The following PCDHA13 variants were observed in gnomAD, a reference collection of about 807,000 sequenced individuals.
PCDHA13 encodes the protein protocadherin alpha 13, also known as protocadherin alpha-13.
A neutral mutation model predicts 64.8 loss-of-function variants in PCDHA13; 54 were observed. That is an observed-to-expected ratio of 0.83 (90% CI 0.67 to 1.04). The LOEUF (loss-of-function observed/expected upper bound fraction) is 1.04, where lower values mean the gene tolerates loss of function less well. PCDHA13 is among the 50% of genes least tolerant of loss of function. The pLI, the probability that PCDHA13 is intolerant of heterozygous loss-of-function variation, is 0.00. For synonymous variants in PCDHA13, 587 were observed against 564.4 expected (o/e 1.04, Z -0.57); for missense variants, 1,248 against 1,254.3 (o/e 0.99, Z 0.08).
In PCDHA13 at chr5:140,937,565, T is replaced by C. The variant is rs528061401; in HGVS notation, c.2395-41384T>C. ...CTGCGAGGCAGAGGTTGCAGTGAGC[T>C]GGGATCGCGTCACTGCACTCTAGCC... On this transcript the variant is annotated intron_variant, in intron 1 of 3. Transcript: ENST00000289272. Among the ~76,000 whole-genome samples the C allele has an allele frequency of 1.9e-3, 290 of 151,276 alleles. 1 individual carries two copies. The highest frequency in any genetic ancestry group is 6.8e-3 in the African/African-American group (279 of 40,958).
intron 3 of PCDHA13, among the ~76,000 whole-genome samples, chr5:141,005,308 T>TA (rs2098205734): frequency 6.6e-6 from 1 of 152,214 alleles, no homozygotes; most frequent in Non-Finnish European, 1.5e-5. Context: ...TTGTGAATCT[T>TA]ACAGTGGTAG....
chr5:140,928,161 C>G (rs155820), intron 1 of PCDHA13: 543,775 of 1,613,884 alleles, frequency 0.34, 93,301 homozygotes, highest in East Asian at 0.51. Flanking sequence ...GTGGCTCACC[C>G]CCACTTAGCA....
chr5:140,939,634 G>T (rs1032922800), intron 1 of PCDHA13, among the ~76,000 whole-genome samples: 12 of 152,184 alleles, frequency 7.9e-5, no homozygotes, highest in South Asian at 4.1e-4. Flanking sequence ...AATCAATAAG[G>T]GTACTGAAAA....
intron 3 of PCDHA13, among the ~76,000 whole-genome samples, chr5:140,987,213 CA>C (rs58319157): frequency 0.029 from 3,412 of 118,662 alleles, 64 homozygotes; most frequent in African/African-American, 0.058. Flanking sequence ...GACTCCATCT[CA>C]AAAAAAAAAA....
intron 1 of PCDHA13, among the ~76,000 whole-genome samples, chr5:140,910,353 A>G (rs938677700): frequency 1.1e-4 from 16 of 152,306 alleles, no homozygotes; most frequent in African/African-American, 3.8e-4. Context: ...TCTGCTGTCC[A>G]TTATGGTAGC....
At chr5:140,954,650 C>G (rs2095069221) in intron 1 of PCDHA13, among the ~76,000 whole-genome samples, 1 of 151,902 alleles carries the variant, frequency 6.6e-6, no homozygotes, top group Non-Finnish European at 1.5e-5. Context: ...TGTTTAAGTT[C>G]CTTGTAGACT....
At chr5:140,960,823 G>A (rs370898808) in intron 1 of PCDHA13, among the ~76,000 whole-genome samples, 2 of 152,012 alleles carry the variant, frequency 1.3e-5, no homozygotes, top group East Asian at 3.9e-4. Context: ...AGTGATGAAT[G>A]GAAACTTGGA....
intron 1 of PCDHA13, chr5:140,968,899 A>G (rs782594245): frequency 6.2e-7 from 1 of 1,614,130 alleles, no homozygotes; most frequent in Non-Finnish European, 8.5e-7. Context: ...TAATAATAGC[A>G]TTAAGCACAG....
In PCDHA13 at chr5:140,982,489, A is replaced by G. The variant is rs782634646; in HGVS notation, c.2468A>G (p.Glu823Gly). The change falls in exon 3 of 4, where the codon GAG (glutamate) becomes GGG (glycine). Residue 823 changes from glutamate to glycine, a missense_variant. By Grantham distance (98) the Glu-to-Gly change is moderately conservative. Transcript: ENST00000289272. ...RAGMHSSVHL[E>G]EAGILRAGPG... ...TGTTTATTCAGCTCTGTGCACCTAG[A>G]GGAGGCTGGCATTCTACGGGCTGGT... 3 of 1,614,066 alleles carry G rather than the reference A, an allele frequency of 1.9e-6. No individual in the cohort carries two copies. The African/African-American group carries it at 4.0e-5, about 22-fold the overall frequency.
chr5:140,962,619 T>C (rs1405135656), intron 1 of PCDHA13, among the ~76,000 whole-genome samples: 1 of 152,212 alleles, frequency 6.6e-6, no homozygotes, highest in East Asian at 1.9e-4. Context: ...GGAAGGGAGA[T>C]GTGAAAAAAT....
chr5:140,887,247 C>T (rs1302931456), intron 1 of PCDHA13, among the ~76,000 whole-genome samples: 1 of 152,016 alleles, frequency 6.6e-6, no homozygotes, highest in Non-Finnish European at 1.5e-5. Context: ...CCGGCGCCCG[C>T]CACCACGCCC....
At chr5:140,901,060 A>AT (rs542927280) in intron 1 of PCDHA13, among the ~76,000 whole-genome samples, 21 of 151,128 alleles carry the variant, frequency 1.4e-4, no homozygotes, top group African/African-American at 3.2e-4. Flanking sequence ...AGATTATTAG[A>AT]TTTTTTTTTC....
chr5:140,999,249 G>A (rs1162368060), intron 3 of PCDHA13, among the ~76,000 whole-genome samples: 1 of 152,066 alleles, frequency 6.6e-6, no homozygotes, highest in Non-Finnish European at 1.5e-5. Context: ...AGTGGGAGTT[G>A]GATTAGTAAA....
intron 3 of PCDHA13, among the ~76,000 whole-genome samples, chr5:140,996,991 T>C (rs191353108): frequency 1.6e-4 from 25 of 152,346 alleles, no homozygotes; most frequent in African/African-American, 5.3e-4. Flanking sequence ...GCAACCACTG[T>C]TAACAATTTT....
At chr5:140,966,758 C>T in intron 1 of PCDHA13, 1 of 1,445,334 alleles carries the variant, frequency 6.9e-7, no homozygotes, top group South Asian at 1.5e-5. Flanking sequence ...TCCGCCGCGG[C>T]CAGTGGCTAT....
chr5:140,939,894 T>G (rs1554213013), intron 1 of PCDHA13, among the ~76,000 whole-genome samples: 2 of 152,220 alleles, frequency 1.3e-5, no homozygotes, highest in Non-Finnish European at 2.9e-5. Context: ...TGTTCAAATA[T>G]TCTGCATTCT....
In PCDHA13 at chr5:140,884,273, C is replaced by T. The variant is rs1554181411; in HGVS notation, c.2005C>T (p.Leu669=). Reference sequence around the variant, plus strand: ...GGCCACGGCAACGGTGCTGTTGTCGCTGGTGGAGAGCGGCCAAGCGCCACA... The same window carrying T: ...GGCCACGGCAACGGTGCTGTTGTCGTTGGTGGAGAGCGGCCAAGCGCCACA... ...LTATATVLLS[L]VESGQAPQAS... Residue 669 remains leucine (L), a synonymous_variant, in exon 1 of 4, where the codon CTG becomes TTG. Transcript: ENST00000289272. 1.2e-6 allele frequency: 2 copies of T among 1,613,468 alleles called. No homozygotes were observed. The highest frequency in any genetic ancestry group is 3.3e-5 in the Admixed American group (2 of 59,982).
intron 1 of PCDHA13, chr5:140,928,452 G>C: frequency 6.2e-7 from 1 of 1,614,126 alleles, no homozygotes; most frequent in Non-Finnish European, 8.5e-7. Context: ...AGCTCAGGGG[G>C]TTTCATTTCC....
chr5:140,926,763 C>T, intron 1 of PCDHA13: 1 of 1,327,892 alleles, frequency 7.5e-7, no homozygotes, highest in African/African-American at 1.5e-5. Flanking sequence ...GCTGAGTATC[C>T]AGCCCGCAGC....
Sources: allele counts gnomAD v4.1 joint callset (sites outside exome capture counted in the v4.1 genomes callset), GRCh38; gene constraint gnomAD v4.1.1; transcripts MANE v1.5; gene names NCBI Gene and HGNC (gene_info 2026-07-23, HGNC 2026-07-21).